PCDHGA1: variants seen among roughly 807,000 people sequenced by gnomAD.
PCDHGA1 encodes protocadherin gamma subfamily A, 1.
PCDHGA1 carries 32 observed loss-of-function variants against 58.0 expected under a neutral mutation model. That is an observed-to-expected ratio of 0.55 (90% CI 0.42 to 0.74). The LOEUF (loss-of-function observed/expected upper bound fraction) is 0.74, where lower values mean the gene tolerates loss of function less well. Ranked by LOEUF, PCDHGA1 falls within the 30% of genes least tolerant of loss-of-function variation. The pLI is 0.00. For missense variants in PCDHGA1, 1,205 were observed against 1,182.3 expected (o/e 1.02, Z -0.28); for synonymous variants, 498 against 501.1 (o/e 0.99, Z 0.08).
intron 1 of PCDHGA1, chr5:141,404,365 C>A: frequency 6.2e-7 from 1 of 1,613,936 alleles, no homozygotes; most frequent in South Asian, 1.1e-5. Context: ...GTACTTCCAT[C>A]TTCTCCGTGA....
rs200686404 is a variant in PCDHGA1 at position 141,477,185 on chromosome 5, G to A, written c.2422-17622G>A. On this transcript the variant is annotated intron_variant, in intron 1 of 3. Transcript: ENST00000517417. The surrounding 1 kb of genome is among the most constrained non-coding windows in gnomAD (Gnocchi z 4.9). ...CGCCCCGGAGATCACAGTCACCTCCGTGTACAGCCCAGTACCCGAGGATGC... is the reference window on the plus strand; with the variant it reads ...CGCCCCGGAGATCACAGTCACCTCCATGTACAGCCCAGTACCCGAGGATGC... 1.2e-6 allele frequency: 2 copies of A among 1,614,210 alleles called. No individual in the cohort carries two copies. Among genetic ancestry groups the A allele is most frequent in the South Asian group, 1.1e-5 (1 of 91,084 alleles).
At chr5:141,381,038 T>G (rs1422573690) in intron 1 of PCDHGA1, among the ~76,000 whole-genome samples, 1 of 152,262 alleles carries the variant, frequency 6.6e-6, no homozygotes, top group Non-Finnish European at 1.5e-5. Context: ...TTAAACAAAA[T>G]TTATCTACTT....
chr5:141,422,520 G>T, intron 1 of PCDHGA1: 2 of 1,613,946 alleles, frequency 1.2e-6, no homozygotes, highest in Middle Eastern at 1.6e-4. Flanking sequence ...AGGGAAGCCC[G>T]CCTTTGTCTG....
At chr5:141,387,816 C>T (rs1376270603) in intron 1 of PCDHGA1, 3 of 1,539,164 alleles carry the variant, frequency 1.9e-6, no homozygotes, top group African/African-American at 1.4e-5. Flanking sequence ...ATCCAAAAAT[C>T]TGCAATACAG....
chr5:141,448,421 A>G (rs1380029405), intron 1 of PCDHGA1, among the ~76,000 whole-genome samples: 1 of 152,132 alleles, frequency 6.6e-6, no homozygotes, highest in Non-Finnish European at 1.5e-5. Flanking sequence ...ACAATATACT[A>G]TGTATATATT....
intron 1 of PCDHGA1, chr5:141,393,092 G>A (rs2092676024): frequency 6.2e-7 from 1 of 1,613,644 alleles, no homozygotes; most frequent in Non-Finnish European, 8.5e-7. Flanking sequence ...TAGATCGGGA[G>A]GAGCTCTGCG....
chr5:141,454,272 A>G (rs1226625529), intron 1 of PCDHGA1, among the ~76,000 whole-genome samples: 1 of 152,200 alleles, frequency 6.6e-6, no homozygotes, highest in Non-Finnish European at 1.5e-5. Context: ...ATGCCAGCAA[A>G]AACTTCACAT....
In PCDHGA1 at chr5:141,511,223, A is replaced by G. The variant is rs1193308928; in HGVS notation, c.*50A>G. On this transcript the variant is annotated 3_prime_UTR_variant, in exon 4 of 4. Transcript: ENST00000517417. ...AGGGCGGCCTCTCCCCAACCAGCCC[A>G]GCTTCTCCTTACCTGCACCCAGGCC... 1 of 1,604,390 alleles carries G rather than the reference A, an allele frequency of 6.2e-7. No individual in the cohort carries two copies.
intron 1 of PCDHGA1, chr5:141,383,948 C>T (rs199642192): frequency 3.1e-6 from 5 of 1,613,482 alleles, no homozygotes; most frequent in East Asian, 4.5e-5. Context: ...GTGACTATGA[C>T]GTCTTTAAGT....
intron 1 of PCDHGA1, among the ~76,000 whole-genome samples, chr5:141,381,934 A>C (rs1777775116): frequency 7.0e-6 from 1 of 143,002 alleles, no homozygotes; most frequent in Non-Finnish European, 1.5e-5. Flanking sequence ...GGTTCAAGCG[A>C]TTTTCCTGCC....
Position 141,511,035 on chromosome 5 carries a change from C to A in PCDHGA1, c.2658C>A (p.His886Gln). Residue 886 changes from histidine to glutamine, a missense_variant, in exon 4 of 4, where the codon CAC becomes CAA. Physicochemically the swap from His to Gln is conservative, Grantham distance 24 (BLOSUM62 0). Transcript: ENST00000517417. The stretch of plus-strand genomic sequence containing the variant: ...ACGGACCCCAGTTCACCCTGCAGCA[C>A]GTGCCCGACTACCGCCAGAATGTCT... ...ARYGPQFTLQ[H>Q]VPDYRQNVYI... 2 of 1,614,208 alleles carry A rather than the reference C, an allele frequency of 1.2e-6. No individual in the cohort carries two copies. The highest frequency in any genetic ancestry group is 1.1e-5 in the South Asian group (1 of 91,088).
rs1036126623 is a variant in PCDHGA1 at position 141,410,753 on chromosome 5, T to C, written c.2421+77648T>C. The stretch of plus-strand genomic sequence containing the variant: ...AGCTTTTTACAATATTTTCTCAATG[T>C]TTTTTCAATTATAGTTTTCACTATG... On this transcript the variant is annotated intron_variant, in intron 1 of 3. Coordinates refer to ENST00000517417, the MANE Select transcript of PCDHGA1 (RefSeq NM_018912.3). 2.4e-6 allele frequency: 3 copies of C among 1,229,812 alleles called. No homozygotes were observed. In the Admixed American group the frequency reaches 8.8e-5, roughly 36 times the overall value. The allele number at this position is 1,229,812 out of a possible 1,614,324, so 76.2% of individuals were successfully genotyped here. A position where few individuals can be genotyped will look rare whatever the true frequency, so the allele number is the denominator to read the frequency against.
At chr5:141,481,531 G>A (rs1342825952) in intron 1 of PCDHGA1, among the ~76,000 whole-genome samples, 2 of 152,206 alleles carry the variant, frequency 1.3e-5, no homozygotes, top group African/African-American at 4.8e-5. Context: ...AAAATCTAGA[G>A]ATGGGGCTGG....
At chr5:141,444,659 C>G (rs2098443878) in intron 1 of PCDHGA1, among the ~76,000 whole-genome samples, 1 of 152,032 alleles carries the variant, frequency 6.6e-6, no homozygotes, top group African/African-American at 2.4e-5. Context: ...GAAGTTATTT[C>G]CCATTTTTTT....
chr5:141,383,786 C>T, intron 1 of PCDHGA1: 1 of 1,613,928 alleles, frequency 6.2e-7, no homozygotes, highest in South Asian at 1.1e-5. Context: ...CATCTGAACT[C>T]GCTTACAGGA....
At position 141,384,872 on chromosome 5, in the gene PCDHGA1, T is replaced by A. The variant is rs773444317; in HGVS notation, c.2421+51767T>A. On this transcript the variant is annotated intron_variant, in intron 1 of 3. Coordinates refer to ENST00000517417, the MANE Select transcript of PCDHGA1 (RefSeq NM_018912.3). ...GGTCAGCCTCCTCTGTCAGCCACCG[T>A]CACACTCACCGTGGCTGTGGCTGAC... is the stretch of plus-strand genomic sequence containing the variant. 1.9e-6 allele frequency: 3 copies of A among 1,613,766 alleles called. No individual in the cohort carries two copies. The highest frequency in any genetic ancestry group is 2.5e-6 in the Non-Finnish European group (3 of 1,179,946).
Position 141,476,525 on chromosome 5 carries a change from A to T in PCDHGA1, c.2422-18282A>T, listed in dbSNP as rs766638463. On this transcript the variant is annotated intron_variant, in intron 1 of 3. Coordinates refer to ENST00000517417, the MANE Select transcript of PCDHGA1 (RefSeq NM_018912.3). This position sits in a 1 kb window ranked among gnomAD's most constrained non-coding sequence, Gnocchi z 7.6. ...CAACGACAACAATCCTGCTTTCCCTACCCAGGAAATGAAATTGGAGATTAG... is the reference window on the plus strand; with the variant it reads ...CAACGACAACAATCCTGCTTTCCCTTCCCAGGAAATGAAATTGGAGATTAG... The T allele has an allele frequency of 6.2e-7, 1 of 1,614,068 alleles. No homozygotes were observed. The highest frequency in any genetic ancestry group is 2.2e-5 in the East Asian group (1 of 44,854).
At chr5:141,366,544 G>T (rs368873957) in intron 1 of PCDHGA1, 5 of 1,614,112 alleles carry the variant, frequency 3.1e-6, no homozygotes, top group Non-Finnish European at 4.2e-6. Context: ...TGCCCGCCTC[G>T]CACTTTGTGG....
intron 1 of PCDHGA1, chr5:141,372,953 C>T (rs1217005690): frequency 1.5e-5 from 11 of 745,036 alleles, no homozygotes; most frequent in Non-Finnish European, 2.3e-5. Context: ...CTAGGAAATT[C>T]TTTGTAGAAT....
Sources: allele counts gnomAD v4.1 joint callset (sites outside exome capture counted in the v4.1 genomes callset), GRCh38; gene constraint gnomAD v4.1.1; non-coding constraint Gnocchi (gnomAD v3.1); transcripts MANE v1.5; gene names NCBI Gene and HGNC (gene_info 2026-07-23, HGNC 2026-07-21).